The following DUXB variants were observed in gnomAD, a reference collection of about 807,000 sequenced individuals.
DUXB encodes double homeobox protein B.
DUXB carries 22 observed loss-of-function variants against 8.9 expected under a neutral mutation model. The ratio of observed to expected loss-of-function variants is 2.46; its 90% CI spans 1.76 to 3.52. The LOEUF (loss-of-function observed/expected upper bound fraction) is 3.52, where lower values mean the gene tolerates loss of function less well. DUXB is among the 30% of genes most tolerant of loss of function. The probability of loss-of-function intolerance (pLI) is 0.00; values close to 1 mark genes in which losing one functional copy is unlikely to be tolerated. For missense variants in DUXB, 237 were observed against 108.7 expected, an observed-to-expected ratio of 2.18 and a Z score of -5.25; for synonymous variants, 84 against 37.6, an observed-to-expected ratio of 2.23 and a Z score of -4.52.
intron 2 of DUXB, among the ~76,000 whole-genome samples, chr16:75,699,453 G>A (rs1959198927): frequency 6.6e-6 from 1 of 152,168 alleles, no homozygotes; most frequent in Non-Finnish European, 1.5e-5. Flanking sequence ...CCTATTGGGA[G>A]AGACTGAGCC....
At chr16:75,694,658 G>A (rs1226471479) in intron 4 of DUXB, 133 bp from the exon 5 acceptor site, 3 of 611,726 alleles carry the variant, frequency 4.9e-6, no homozygotes, top group Non-Finnish European at 8.7e-6. Context: ...TTGGCTCTCT[G>A]AATCCATGGG....
chr16:75,696,057 GT>G lies in DUXB; in HGVS notation c.344del (p.Asn115ThrfsTer3), dbSNP rs956480172. 5 of 702,798 alleles carry G rather than the reference GT, an allele frequency of 7.1e-6. No individual in the cohort carries two copies. Among genetic ancestry groups the G allele is most frequent in the Non-Finnish European group, 1.3e-5 (5 of 385,018 alleles). The allele number at this position is 702,798 out of a possible 1,614,324, so 43.5% of individuals were successfully genotyped here. A position where few individuals can be genotyped will look rare whatever the true frequency, so the allele number is the denominator to read the frequency against. Reference protein sequence around the residue: ...KQTFITWTQKNRLVQAFERNP... With the variant: ...KQTFITWTQKXRLVQAFERNP... ...TCCTCTCAAAGGCTTGCACTAGCCT[GT>G]TTTTTTGAGTCCATGTGATGAATGT... On this transcript the variant is annotated frameshift_variant, in exon 4 of 5. Coordinates refer to ENST00000633875, the MANE Select transcript of DUXB (RefSeq NM_001351307.2). LOFTEE classifies it high-confidence loss of function.
chr16:75,695,407 T>C (rs2082597740), intron 4 of DUXB, among the ~76,000 whole-genome samples: 1 of 152,262 alleles, frequency 6.6e-6, no homozygotes, highest in African/African-American at 2.4e-5. Flanking sequence ...TGAGAGTTTG[T>C]GTCATAAGCC....
chr16:75,701,272 G>T, intron 1 of DUXB, 122 bp downstream of exon 1: 1 of 397,666 alleles, frequency 2.5e-6, no homozygotes. Flanking sequence ...GCGAAAAACA[G>T]CTGCTGCTCT....
In DUXB at chr16:75,697,190, T is replaced by G. The variant is rs370435758; in HGVS notation, c.181-247A>C. The stretch of plus-strand genomic sequence containing the variant: ...ATTTTTTGTGGCATCCAGAGTAAAT[T>G]TGTTTGATTTAGGAGACCCTATGAG... On this transcript the variant is annotated intron_variant, in intron 2 of 4. Transcript: ENST00000633875. Among the ~76,000 whole-genome samples the G allele has an allele frequency of 4.6e-5, 7 of 152,236 alleles. No homozygotes were observed. In the East Asian group the frequency reaches 5.8e-4, roughly 13 times the overall value.
At chr16:75,697,479 T>TA (rs1448080092) in intron 2 of DUXB, among the ~76,000 whole-genome samples, 1 of 152,210 alleles carries the variant, frequency 6.6e-6, no homozygotes, top group Non-Finnish European at 1.5e-5. Flanking sequence ...AGGAGACTCC[T>TA]AGCAAGCCAC....
chr16:75,696,140 G>A lies in DUXB; in HGVS notation c.287-25C>T, dbSNP rs74705846. ...TCTAAAGGAGAACACAGAAGCTGTTGGGGAATTTTCATATTCAAACCAGAA... is the reference window on the plus strand; with the variant it reads ...TCTAAAGGAGAACACAGAAGCTGTTAGGGAATTTTCATATTCAAACCAGAA... On this transcript the variant is annotated intron_variant, in intron 3 of 4. Coordinates refer to ENST00000633875, the MANE Select transcript of DUXB (RefSeq NM_001351307.2). 5 of 541,076 alleles carry A rather than the reference G, an allele frequency of 9.2e-6. No individual in the cohort carries two copies. The Admixed American group carries it at 1.6e-4, about 17-fold the overall frequency. 33.5% of individuals were successfully genotyped at this position (541,076 alleles called of 1,614,324 possible). A position where few individuals can be genotyped will look rare whatever the true frequency, so the allele number is the denominator to read the frequency against.
chr16:75,698,035 G>C (rs2082622374), intron 2 of DUXB, among the ~76,000 whole-genome samples: 1 of 152,188 alleles, frequency 6.6e-6, no homozygotes, highest in Non-Finnish European at 1.5e-5. Flanking sequence ...AAAAATTGGA[G>C]ACCGCTATGC....
intron 2 of DUXB, among the ~76,000 whole-genome samples, chr16:75,697,213 G>A (rs893629196): frequency 6.6e-6 from 1 of 152,168 alleles, no homozygotes; most frequent in Non-Finnish European, 1.5e-5. Flanking sequence ...GAGACCCTAT[G>A]AGGTCTCTCA....
Position 75,694,770 on chromosome 16 carries a change from T to C in DUXB, c.442-245A>G, listed in dbSNP as rs148297647. On this transcript the variant is annotated intron_variant, in intron 4 of 4. Coordinates refer to ENST00000633875, the MANE Select transcript of DUXB (RefSeq NM_001351307.2). ...ACAATAAAAATAATACAAAGAAAAATACAGTTTAACAACTATTCACATAGC... is the reference window on the plus strand; with the variant it reads ...ACAATAAAAATAATACAAAGAAAAACACAGTTTAACAACTATTCACATAGC... Among the ~76,000 whole-genome samples, 476 of 151,970 alleles carry C rather than the reference T, an allele frequency of 3.1e-3. 4 individuals are homozygous for C. The highest frequency in any genetic ancestry group is 0.011 in the African/African-American group (457 of 41,468).
intron 1 of DUXB, among the ~76,000 whole-genome samples, chr16:75,700,542 G>C (rs982122404): frequency 2.6e-5 from 4 of 151,876 alleles, no homozygotes; most frequent in African/African-American, 9.7e-5. Flanking sequence ...TTTTGAGATG[G>C]AGTCTCGATC....
rs1017427601 is a variant in DUXB, at chr16:75,696,070, C to T, written c.332G>A (p.Trp111Ter). 1.4e-6 allele frequency: 1 copy of T among 702,896 alleles called. No individual in the cohort carries two copies. The highest frequency in any genetic ancestry group is 1.7e-5 in the African/African-American group (1 of 57,326). The allele number at this position is 702,896 out of a possible 1,614,324, so 43.5% of individuals were successfully genotyped here. The change falls in exon 4 of 5, where the codon TGG becomes TAG. Residue 111 changes from tryptophan (W) to a stop codon, truncating the protein, a stop_gained. Transcript: ENST00000633875. LOFTEE classifies it high-confidence loss of function. ...EARQKQTFIT[W>*]TQKNRLVQAF... ...TTGCACTAGCCTGTTTTTTTGAGTCCATGTGATGAATGTCTGTTTTTGTCG... is the reference window on the plus strand; with the variant it reads ...TTGCACTAGCCTGTTTTTTTGAGTCTATGTGATGAATGTCTGTTTTTGTCG...
intron 4 of DUXB, 79 bp downstream of exon 4, chr16:75,695,882 G>C: frequency 1.5e-6 from 1 of 675,680 alleles, no homozygotes; most frequent in Non-Finnish European, 2.7e-6. Flanking sequence ...ACCCAAGTCA[G>C]CTGTAAGTTT....
chr16:75,695,999 G>T lies in DUXB; in HGVS notation c.403C>A (p.Leu135Met), dbSNP rs765264247. 7.1e-6 allele frequency: 5 copies of T among 702,830 alleles called. No individual in the cohort carries two copies. Among genetic ancestry groups the T allele is most frequent in the Admixed American group, 2.0e-5 (1 of 49,980 alleles). The allele number at this position is 702,830 out of a possible 1,614,324, so 43.5% of individuals were successfully genotyped here. A position where few individuals can be genotyped will look rare whatever the true frequency, so the allele number is the denominator to read the frequency against. ...PFPDIATRKKLAEQTGLQESR... is the reference protein window; with the variant it reads ...PFPDIATRKKMAEQTGLQESR... ...TCCTGCAGGCCTGTTTGTTCAGCCA[G>T]TTTTTTTCTGGTAGCAATATCAGGG... Residue 135 changes from leucine to methionine, a missense_variant, in exon 4 of 5, where the codon CTG (leucine) becomes ATG (methionine). By Grantham distance (15) the Leu-to-Met change is conservative. Transcript: ENST00000633875.
At chr16:75,699,276 T>TTAAGAAATAG (rs1201690595) in intron 2 of DUXB, among the ~76,000 whole-genome samples, 4 of 152,234 alleles carry the variant, frequency 2.6e-5, no homozygotes, top group Non-Finnish European at 5.9e-5. Flanking sequence ...AGACATTAAA[T>TTAAGAAATAG]TAAGAAATAG....
chr16:75,695,953 G>C lies in DUXB; in HGVS notation c.441+8C>G. On this transcript the variant is annotated splice_region_variant and intron_variant, in intron 4 of 4. Coordinates refer to ENST00000633875, the MANE Select transcript of DUXB (RefSeq NM_001351307.2). ...GGACATAGTTGGGATCACACACATA[G>C]AACTTACTTGAATTCTTGATTCCTG... The C allele has an allele frequency of 2.8e-6, 2 of 702,952 alleles. No homozygotes were observed. The highest frequency in any genetic ancestry group is 2.7e-5 in the East Asian group (1 of 37,282). The allele number at this position is 702,952 out of a possible 1,614,324, so 43.5% of individuals were successfully genotyped here.
At chr16:75,696,595 G>A (rs2082609349) in intron 3 of DUXB, among the ~76,000 whole-genome samples, 1 of 152,158 alleles carries the variant, frequency 6.6e-6, no homozygotes, top group South Asian at 2.1e-4. Flanking sequence ...CCCCGAGCTT[G>A]CTTGTTAAGA....
chr16:75,697,412 C>A (rs1446166753), intron 2 of DUXB, among the ~76,000 whole-genome samples: 5 of 152,174 alleles, frequency 3.3e-5, no homozygotes, highest in Admixed American at 1.3e-4. Flanking sequence ...AAGAGTTGGA[C>A]TAACACTTAT....
chr16:75,698,032 G>T (rs2082622359), intron 2 of DUXB, among the ~76,000 whole-genome samples: 1 of 152,132 alleles, frequency 6.6e-6, no homozygotes. Context: ...CAAAAAAATT[G>T]GAGACCGCTA....
Sources: allele counts gnomAD v4.1 joint callset (sites outside exome capture counted in the v4.1 genomes callset), GRCh38; gene constraint gnomAD v4.1.1; transcripts MANE v1.5; gene names NCBI Gene and HGNC (gene_info 2026-07-23, HGNC 2026-07-21).